MYO1D: variants seen among roughly 807,000 people sequenced by gnomAD.
The protein encoded by MYO1D is unconventional myosin-Id.
In MYO1D, 83 loss-of-function variants were observed where a neutral mutation model predicts 122.0. The observed-to-expected ratio is 0.68, with a 90% confidence interval of 0.57 to 0.82. The LOEUF (loss-of-function observed/expected upper bound fraction) is 0.82, where lower values mean the gene tolerates loss of function less well. Among genes scored for constraint, MYO1D ranks in the 40% least tolerant of loss-of-function variants. The pLI is 0.00. For missense variants in MYO1D, 1,157 were observed against 1,269.5 expected (o/e 0.91, Z 1.35); for synonymous variants, 464 against 446.9 (o/e 1.04, Z -0.48).
intron 20 of MYO1D, among the ~76,000 whole-genome samples, chr17:32,613,815 G>GAAATACCTCAA (rs1027346299): frequency 2.7e-5 from 2 of 74,030 alleles, no homozygotes; most frequent in Non-Finnish European, 5.5e-5. Flanking sequence ...AAAAAAAAAA[G>GAAATACCTCAA]AAATACCTCA....
intron 21 of MYO1D, among the ~76,000 whole-genome samples, chr17:32,566,926 C>T (rs571762993): frequency 6.6e-6 from 1 of 150,992 alleles, no homozygotes; most frequent in East Asian, 2.0e-4. Flanking sequence ...GGAGCCTCTG[C>T]ATCCAAGGTG....
At chr17:32,760,453 C>T (rs367999079) in intron 9 of MYO1D, 29 bp downstream of exon 9, 344 of 1,605,564 alleles carry the variant, frequency 2.1e-4, no homozygotes, top group Non-Finnish European at 2.8e-4. Context: ...AAACAGGCAA[C>T]AAGGTTTTAA....
chr17:32,660,075 T>C (rs1223975728), intron 16 of MYO1D, among the ~76,000 whole-genome samples: 1 of 152,188 alleles, frequency 6.6e-6, no homozygotes, highest in African/African-American at 2.4e-5. Context: ...CTTCAATTAA[T>C]CACTGGCTCT....
intron 1 of MYO1D, among the ~76,000 whole-genome samples, chr17:32,805,878 C>T (rs1396665348): frequency 6.6e-6 from 1 of 152,176 alleles, no homozygotes. Context: ...GGGCTTTTCA[C>T]CATCTTTATT....
At chr17:32,512,256 C>T (rs143882255) in intron 21 of MYO1D, among the ~76,000 whole-genome samples, 2,030 of 151,742 alleles carry the variant, frequency 0.013, 53 homozygotes, top group African/African-American at 0.046. Context: ...GCAGAGATGG[C>T]GCCACTGCCT....
At chr17:32,502,122 CAGTTTGATAG>C (rs1269152719) in intron 21 of MYO1D, among the ~76,000 whole-genome samples, 1 of 152,196 alleles carries the variant, frequency 6.6e-6, no homozygotes, top group Non-Finnish European at 1.5e-5. Context: ...GCAGAGGAAA[CAGTTTGATAG>C]AGACTTTTCC....
chr17:32,759,158 G>A (rs1598072526), intron 10 of MYO1D, among the ~76,000 whole-genome samples: 1 of 151,968 alleles, frequency 6.6e-6, no homozygotes, highest in Non-Finnish European at 1.5e-5. Flanking sequence ...ATTGTATTAG[G>A]AGAGTTCATT....
chr17:32,552,655 G>A (rs2087028562), intron 21 of MYO1D, among the ~76,000 whole-genome samples: 1 of 152,194 alleles, frequency 6.6e-6, no homozygotes, highest in South Asian at 2.1e-4. Flanking sequence ...GTACTAGAGA[G>A]AGGATGTTTA....
chr17:32,659,993 AT>A (rs560081599), intron 16 of MYO1D, among the ~76,000 whole-genome samples: 168 of 152,098 alleles, frequency 1.1e-3, no homozygotes, highest in African/African-American at 4.0e-3. Context: ...AGAGATACTT[AT>A]TTTTTTTCAG....
rs367830708 is a variant in MYO1D, at chr17:32,500,852, CAAAAAA to C, written c.2865-5943_2865-5938del. Among the ~76,000 whole-genome samples, 995 of 151,884 alleles carry C rather than the reference CAAAAAA, an allele frequency of 6.6e-3. 11 individuals carry two copies. Among genetic ancestry groups the C allele is most frequent in the African/African-American group, 0.022 (932 of 41,444 alleles). ...AAACCCCATCTCTACTAGAAATACA[CAAAAAA>C]ATTAGCCGGGCATGGTGGTGGGCAC... On this transcript the variant is annotated intron_variant, in intron 21 of 21. Coordinates refer to ENST00000318217, the MANE Select transcript of MYO1D (RefSeq NM_015194.3).
intron 16 of MYO1D, among the ~76,000 whole-genome samples, chr17:32,711,673 A>G (rs1360127144): frequency 6.6e-6 from 1 of 152,142 alleles, no homozygotes; most frequent in African/African-American, 2.4e-5. Flanking sequence ...TCCTTTATGC[A>G]TTTAAGCTGA....
At chr17:32,519,509 G>T (rs1221792452) in intron 21 of MYO1D, among the ~76,000 whole-genome samples, 2 of 151,968 alleles carry the variant, frequency 1.3e-5, no homozygotes, top group African/African-American at 4.8e-5. Context: ...CTTCGAGCGC[G>T]ACGCGGTCGC....
intron 21 of MYO1D, among the ~76,000 whole-genome samples, chr17:32,542,890 T>C (rs1406171887): frequency 1.3e-5 from 2 of 152,124 alleles, no homozygotes; most frequent in Non-Finnish European, 2.9e-5. Flanking sequence ...CTGGATTTCA[T>C]GATCATTAGC....
At chr17:32,653,611 A>G (rs996507437) in intron 19 of MYO1D, among the ~76,000 whole-genome samples, 1 of 147,568 alleles carries the variant, frequency 6.8e-6, no homozygotes, top group Non-Finnish European at 1.5e-5. Flanking sequence ...CGTCTCCAAA[A>G]AAAAAAAAAA....
At chr17:32,668,994 G>A (rs183185227) in intron 16 of MYO1D, among the ~76,000 whole-genome samples, 171 of 152,154 alleles carry the variant, frequency 1.1e-3, no homozygotes, top group African/African-American at 3.9e-3. Flanking sequence ...GAGCCACTGC[G>A]CCTGGCCGAA....
intron 8 of MYO1D, among the ~76,000 whole-genome samples, chr17:32,762,882 G>GAA (rs34258339): frequency 4.6e-5 from 6 of 130,016 alleles, no homozygotes; most frequent in African/African-American, 1.4e-4. Context: ...AAAAAAAAAA[G>GAA]AAAAAAAAAA....
intron 1 of MYO1D, among the ~76,000 whole-genome samples, chr17:32,838,857 C>T (rs752622060): frequency 1.3e-5 from 2 of 152,178 alleles, no homozygotes; most frequent in African/African-American, 2.4e-5. Context: ...GCTACTTTCA[C>T]ATATTTAGTT....
chr17:32,670,385 G>A (rs915683307), intron 16 of MYO1D, among the ~76,000 whole-genome samples: 2 of 151,962 alleles, frequency 1.3e-5, no homozygotes, highest in Admixed American at 1.3e-4. Context: ...AAAACCAATT[G>A]TATATATACA....
At chr17:32,817,047 T>A (rs2090618764) in intron 1 of MYO1D, among the ~76,000 whole-genome samples, 1 of 152,216 alleles carries the variant, frequency 6.6e-6, no homozygotes, top group African/African-American at 2.4e-5. Context: ...GATGTATTGC[T>A]ATAAATAAAA....
Sources: gnomAD v4.1 joint callset for allele counts (sites outside exome capture counted in the v4.1 genomes callset) on GRCh38, gnomAD v4.1.1 for gene constraint, MANE v1.5 for transcripts, NCBI Gene and HGNC (gene_info 2026-07-23, HGNC 2026-07-21) for gene names.